Variants in CFAP54 observed in about 807,000 individuals in gnomAD.
The protein encoded by CFAP54 is cilia and flagella associated protein 54, also known as cilia- and flagella-associated protein 54.
A neutral mutation model predicts 370.4 loss-of-function variants in CFAP54; 290 were observed. The ratio of observed to expected loss-of-function variants is 0.78; its 90% CI spans 0.71 to 0.86. The LOEUF is 0.86. Ranked by LOEUF, CFAP54 falls within the 40% of genes least tolerant of loss-of-function variation. The pLI, the probability that CFAP54 is intolerant of heterozygous loss-of-function variation, is 0.00. For synonymous variants in CFAP54, 1,206 were observed against 1,236.5 expected (o/e 0.98, Z 0.52); for missense variants, 3,399 against 3,528.7 (o/e 0.96, Z 0.93).
intron 6 of CFAP54, among the ~76,000 whole-genome samples, chr12:96,519,673 A>G (rs1017392804): frequency 1.6e-4 from 25 of 152,234 alleles, no homozygotes; most frequent in African/African-American, 5.8e-4. Context: ...ACAAATAATA[A>G]TTGTATATAC....
At chr12:96,507,860 C>A (rs1955124414) in intron 4 of CFAP54, among the ~76,000 whole-genome samples, 2 of 152,158 alleles carry the variant, frequency 1.3e-5, no homozygotes, top group South Asian at 4.1e-4. Context: ...TCAGACTTTA[C>A]ATTTGCTGCC....
In CFAP54 at chr12:96,708,880, A is replaced by G. The variant is rs546737600; in HGVS notation, c.6724+77A>G. On this transcript the variant is annotated intron_variant, in intron 48 of 67. Transcript: ENST00000524981. Reference sequence around the variant, plus strand: ...GTTCTCCCAGCCCCCACTAATCTATATAAATGATACAGTATATATTCTTCC... The same window carrying G: ...GTTCTCCCAGCCCCCACTAATCTATGTAAATGATACAGTATATATTCTTCC... 2,732 of 1,129,804 alleles carry G rather than the reference A, an allele frequency of 2.4e-3. 88 individuals carry two copies. In the South Asian group the frequency reaches 0.041, roughly 17 times the overall value. 70.0% of individuals were successfully genotyped at this position (1,129,804 alleles called of 1,614,324 possible).
chr12:96,738,191 C>T (rs568241846), intron 50 of CFAP54, among the ~76,000 whole-genome samples: 2 of 152,036 alleles, frequency 1.3e-5, no homozygotes, highest in Non-Finnish European at 2.9e-5. Context: ...ACATGAAGTG[C>T]GACTCACAGA....
chr12:96,725,009 G>A (rs1314419591), intron 50 of CFAP54, among the ~76,000 whole-genome samples: 2 of 152,010 alleles, frequency 1.3e-5, no homozygotes, highest in Non-Finnish European at 2.9e-5. Flanking sequence ...TATTTCTGAG[G>A]GCTCTGTTCT....
At chr12:96,650,725 A>G (rs1288230428) in intron 35 of CFAP54, among the ~76,000 whole-genome samples, 1 of 152,208 alleles carries the variant, frequency 6.6e-6, no homozygotes, top group Non-Finnish European at 1.5e-5. Flanking sequence ...TTTCTAGATA[A>G]GAAAGGAAGA....
chr12:96,524,567 C>T (rs7307572), intron 8 of CFAP54, among the ~76,000 whole-genome samples: 79,575 of 151,920 alleles, frequency 0.52, 21,296 homozygotes, highest in East Asian at 0.69. Flanking sequence ...CTTGGGATAA[C>T]GGGCAGAATT....
At chr12:96,675,399 C>T (rs1346343784) in intron 39 of CFAP54, among the ~76,000 whole-genome samples, 1 of 152,204 alleles carries the variant, frequency 6.6e-6, no homozygotes, top group African/African-American at 2.4e-5. Context: ...TACCATCTCA[C>T]ACCAGTTAGA....
intron 1 of CFAP54, among the ~76,000 whole-genome samples, chr12:96,491,533 TG>T (rs1354040734): frequency 6.6e-6 from 1 of 152,120 alleles, no homozygotes; most frequent in Non-Finnish European, 1.5e-5. Flanking sequence ...GATTGAGCCC[TG>T]GGATGCTCCA....
At chr12:96,512,880 TA>T in intron 4 of CFAP54, 105 bp from the exon 5 acceptor site, 1 of 561,342 alleles carries the variant, frequency 1.8e-6, no homozygotes, top group South Asian at 3.6e-5. Context: ...GACTTCCTCA[TA>T]AGATCACTTG....
At chr12:96,653,311 CA>C (rs995072605) in intron 36 of CFAP54, among the ~76,000 whole-genome samples, 39 of 152,274 alleles carry the variant, frequency 2.6e-4, no homozygotes, top group African/African-American at 9.1e-4. Context: ...ACCGTAAACC[CA>C]GGTGGAATGG....
intron 26 of CFAP54, among the ~76,000 whole-genome samples, chr12:96,612,826 C>A (rs1374956474): frequency 6.6e-6 from 1 of 152,112 alleles, no homozygotes; most frequent in Admixed American, 6.5e-5. Context: ...GCTAACTATC[C>A]TAAATATATA....
intron 17 of CFAP54, among the ~76,000 whole-genome samples, chr12:96,562,730 CTGT>C (rs1565897578): frequency 6.6e-6 from 1 of 152,036 alleles, no homozygotes; most frequent in Non-Finnish European, 1.5e-5. Context: ...TATGCCCTGC[CTGT>C]ATTCTGTTTA....
chr12:96,844,605 A>G (rs1765133138), intron 66 of CFAP54, among the ~76,000 whole-genome samples: 1 of 152,212 alleles, frequency 6.6e-6, no homozygotes, highest in African/African-American at 2.4e-5. Context: ...ACATAAGTAC[A>G]TTCTGAAGTT....
chr12:96,844,344 G>C (rs978374736), intron 66 of CFAP54, among the ~76,000 whole-genome samples: 1 of 152,134 alleles, frequency 6.6e-6, no homozygotes, highest in African/African-American at 2.4e-5. Flanking sequence ...GCAGAGACAG[G>C]AGTGATGAGC....
intron 39 of CFAP54, among the ~76,000 whole-genome samples, chr12:96,664,777 CTATATATATATATATATA>C (rs1255477327): frequency 1.3e-4 from 2 of 14,994 alleles, no homozygotes; most frequent in Admixed American, 6.8e-4. Flanking sequence ...ATATCTATAT[CTATATATATATATATATA>C]TATATATATA....
At chr12:96,677,229 T>C (rs994680080) in intron 39 of CFAP54, among the ~76,000 whole-genome samples, 3 of 151,998 alleles carry the variant, frequency 2.0e-5, no homozygotes, top group African/African-American at 7.3e-5. Context: ...CAGGCCTGTC[T>C]TGAACTCCTG....
intron 62 of CFAP54, among the ~76,000 whole-genome samples, chr12:96,791,903 G>T (rs1220044177): frequency 2.0e-5 from 3 of 148,862 alleles, no homozygotes; most frequent in Non-Finnish European, 3.0e-5. Context: ...AATCTGGAGT[G>T]CAGTGGCACG....
At chr12:96,861,272 T>G (rs1459483746) in intron 67 of CFAP54, among the ~76,000 whole-genome samples, 1 of 152,188 alleles carries the variant, frequency 6.6e-6, no homozygotes, top group African/African-American at 2.4e-5. Flanking sequence ...TGGTTCTCAA[T>G]TGGGAGTGAT....
intron 4 of CFAP54, among the ~76,000 whole-genome samples, chr12:96,509,218 G>A (rs760122218): frequency 2.6e-5 from 4 of 152,158 alleles, no homozygotes; most frequent in Non-Finnish European, 5.9e-5. Context: ...GAGAGAGGAG[G>A]GGCTGGGCTG....
Sources: gnomAD v4.1 joint callset for allele counts (sites outside exome capture counted in the v4.1 genomes callset) on GRCh38, gnomAD v4.1.1 for gene constraint, MANE v1.5 for transcripts, NCBI Gene and HGNC (gene_info 2026-07-23, HGNC 2026-07-21) for gene names.